Variants in BTAF1 observed in about 807,000 individuals in gnomAD.
The protein encoded by BTAF1 is B-TFIID TATA-box binding protein associated factor 1, also known as TATA-binding protein-associated factor 172.
In BTAF1, 38 loss-of-function variants were observed where a neutral mutation model predicts 227.1. The observed-to-expected ratio is 0.17, with a 90% CI of 0.13 to 0.22. BTAF1 has a LOEUF of 0.22. Among genes scored for constraint, BTAF1 ranks in the 10% least tolerant of loss-of-function variants. The pLI, the probability that BTAF1 is intolerant of heterozygous loss-of-function variation, is 1.00. For missense variants in BTAF1, 1,598 were observed against 2,204.0 expected (o/e 0.73, Z 5.51); for synonymous variants, 742 against 751.9 (o/e 0.99, Z 0.21).
At chr10:91,991,797 G>GTGTGTGTATATATATATATATATA (rs1554860529) in intron 20 of BTAF1, among the ~76,000 whole-genome samples, 4 of 9,994 alleles carry the variant, frequency 4.0e-4, no homozygotes, top group African/African-American at 7.3e-4. Context: ...GTGTGTGTGT[G>GTGTGTGTATATATATATATATATA]TATATATATA....
chr10:91,930,087 A>G (rs1844171717), intron 1 of BTAF1, among the ~76,000 whole-genome samples: 1 of 152,212 alleles, frequency 6.6e-6, no homozygotes. Flanking sequence ...TGTGACACAC[A>G]TAAAAATAGA....
chr10:91,964,817 C>T (rs970960289), intron 13 of BTAF1, among the ~76,000 whole-genome samples: 1 of 152,058 alleles, frequency 6.6e-6, no homozygotes, highest in Non-Finnish European at 1.5e-5. Context: ...TAGACTGGCC[C>T]TTGAATATTG....
intron 12 of BTAF1, among the ~76,000 whole-genome samples, chr10:91,963,343 C>T (rs757993038): frequency 3.3e-5 from 5 of 149,874 alleles, no homozygotes; most frequent in Non-Finnish European, 5.9e-5. Context: ...GGCGTGAACC[C>T]GGGAGGCAGA....
At chr10:91,968,563 G>A (rs897020722) in intron 14 of BTAF1, among the ~76,000 whole-genome samples, 4 of 152,168 alleles carry the variant, frequency 2.6e-5, no homozygotes, top group Non-Finnish European at 4.4e-5. Flanking sequence ...ATACCAAGGA[G>A]CGTATCTGCT....
chr10:91,948,332 ATTT>A (rs919088134), intron 4 of BTAF1, among the ~76,000 whole-genome samples: 185 of 150,550 alleles, frequency 1.2e-3, no homozygotes, highest in Middle Eastern at 0.01. Context: ...GTGGTTTAAA[ATTT>A]TTTTTTCAGA....
chr10:92,010,727 C>CTTCAT (rs1332793005), intron 28 of BTAF1, among the ~76,000 whole-genome samples: 1 of 152,214 alleles, frequency 6.6e-6, no homozygotes, highest in East Asian at 1.9e-4. Context: ...GGTTCAAATG[C>CTTCAT]TTCATTTCCT....
intron 14 of BTAF1, among the ~76,000 whole-genome samples, chr10:91,969,007 C>T (rs1209764163): frequency 2.0e-5 from 3 of 150,606 alleles, no homozygotes; most frequent in East Asian, 1.9e-4. Context: ...ACTACAAGCA[C>T]GCACCACCAT....
intron 25 of BTAF1, among the ~76,000 whole-genome samples, chr10:91,998,977 C>T (rs1014100185): frequency 8.6e-5 from 13 of 151,250 alleles, no homozygotes; most frequent in East Asian, 3.9e-4. Flanking sequence ...GCAGGAGAAT[C>T]GCTTGAACCT....
At chr10:91,965,173 A>C (rs1342294673) in intron 13 of BTAF1, among the ~76,000 whole-genome samples, 1 of 152,204 alleles carries the variant, frequency 6.6e-6, no homozygotes, top group Non-Finnish European at 1.5e-5. Context: ...GTGGTAGTAC[A>C]TTTATGGGGT....
At chr10:91,942,233 G>A (rs1845055029) in intron 3 of BTAF1, among the ~76,000 whole-genome samples, 189 bp from the exon 4 acceptor site, 2 of 151,814 alleles carry the variant, frequency 1.3e-5, no homozygotes, top group South Asian at 4.1e-4. Context: ...ACAGTGAGCT[G>A]TGATTATGCC....
chr10:91,995,859 T>C (rs1391146770), intron 23 of BTAF1, among the ~76,000 whole-genome samples: 1 of 152,220 alleles, frequency 6.6e-6, no homozygotes, highest in Non-Finnish European at 1.5e-5. Flanking sequence ...GTTGTGATGC[T>C]GTTGTGATTA....
intron 25 of BTAF1, among the ~76,000 whole-genome samples, chr10:92,006,444 T>C (rs1849891322): frequency 6.6e-6 from 1 of 152,234 alleles, no homozygotes; most frequent in African/African-American, 2.4e-5. Context: ...GTGATCATGG[T>C]ATCTCCCCTG....
chr10:92,027,297 T>A lies in BTAF1; in HGVS notation c.5403T>A (p.Asp1801Glu). Residue 1801 changes from aspartate to glutamate, a missense_variant, in exon 37 of 38, where the codon GAT (aspartate) becomes GAA (glutamate). By Grantham distance (45) the Asp-to-Glu change is conservative. Transcript: ENST00000265990. Reference sequence around the variant, plus strand: ...AGCTTCTTGATCTGTTTACTCTTGATAAGGTAAAGAACTTACACAATTTGT... The same window carrying A: ...AGCTTCTTGATCTGTTTACTCTTGAAAAGGTAAAGAACTTACACAATTTGT... ...TDQLLDLFTL[D>E]KDGKAEKADT... 3.1e-6 allele frequency: 5 copies of A among 1,602,582 alleles called. No homozygotes were observed. Among genetic ancestry groups the A allele is most frequent in the Non-Finnish European group, 3.4e-6 (4 of 1,176,734 alleles).
intron 4 of BTAF1, among the ~76,000 whole-genome samples, chr10:91,947,275 A>G (rs2035873288): frequency 6.6e-6 from 1 of 152,118 alleles, no homozygotes; most frequent in Non-Finnish European, 1.5e-5. Context: ...AGTTTTTGGT[A>G]TTATATGTAA....
intron 14 of BTAF1, 67 bp from the exon 15 acceptor site, chr10:91,980,387 A>G: frequency 8.6e-7 from 1 of 1,165,642 alleles, no homozygotes; most frequent in Non-Finnish European, 1.3e-6. Flanking sequence ...TTTGACATAT[A>G]ATTCTTCAGG....
intron 14 of BTAF1, among the ~76,000 whole-genome samples, chr10:91,979,023 T>C (rs1847902863): frequency 6.6e-6 from 1 of 152,066 alleles, no homozygotes; most frequent in African/African-American, 2.4e-5. Context: ...GTTCCTCTCT[T>C]TGTGTCCTTG....
At chr10:92,028,145 G>GA (rs1443320873) in intron 37 of BTAF1, among the ~76,000 whole-genome samples, 1 of 152,076 alleles carries the variant, frequency 6.6e-6, no homozygotes, top group African/African-American at 2.4e-5. Flanking sequence ...GTTTAACATA[G>GA]AAAAAAGAAG....
intron 1 of BTAF1, among the ~76,000 whole-genome samples, chr10:91,924,302 A>G (rs1843680654): frequency 6.6e-6 from 1 of 152,178 alleles, no homozygotes; most frequent in Admixed American, 6.5e-5. Context: ...TTTTCTTGTT[A>G]ATAGACCCCT....
rs150588277 is a variant in BTAF1, at chr10:92,027,174, G to C, written c.5280G>C (p.Leu1760Phe). ...ACCGATTGATAACCAGAGGAACATT[G>C]GAAGAAAAAATAATGGGGTTGCAGA... is the stretch of plus-strand genomic sequence containing the variant. The part of the protein sequence containing the change: ...NVYRLITRGT[L>F]EEKIMGLQKF... Residue 1760 changes from leucine to phenylalanine, a missense_variant, in exon 37 of 38, where the codon TTG (leucine) becomes TTC (phenylalanine). By Grantham distance (22) the Leu-to-Phe change is conservative. Around this residue, in one of 10 missense-constraint regions of BTAF1, gnomAD observed 20 missense variants for 56.8 expected, o/e 0.35. Coordinates refer to ENST00000265990, the MANE Select transcript of BTAF1 (RefSeq NM_003972.3). 1.2e-6 allele frequency: 2 copies of C among 1,613,684 alleles called. No individual in the cohort carries two copies. Among genetic ancestry groups the C allele is most frequent in the African/African-American group, 2.7e-5 (2 of 74,888 alleles).
Sources: allele counts gnomAD v4.1 joint callset (sites outside exome capture counted in the v4.1 genomes callset), GRCh38; gene constraint gnomAD v4.1.1; regional missense constraint gnomAD v4.1.1; transcripts MANE v1.5; gene names NCBI Gene and HGNC (gene_info 2026-07-23, HGNC 2026-07-21).